The following RBFOX1 variants were observed in gnomAD, a reference collection of about 807,000 sequenced individuals.
RBFOX1 encodes RNA binding fox-1 homolog 1.
A neutral mutation model predicts 57.7 loss-of-function variants in RBFOX1; 8 were observed. The observed-to-expected ratio is 0.14, with a 90% CI of 0.08 to 0.25. RBFOX1 has a LOEUF of 0.25. Ranked by LOEUF, RBFOX1 falls within the 10% of genes least tolerant of loss-of-function variation. The probability of loss-of-function intolerance (pLI) is 1.00; values close to 1 mark genes in which losing one functional copy is unlikely to be tolerated. For synonymous variants in RBFOX1, 326 were observed against 222.4 expected (o/e 1.47, Z -4.15); for missense variants, 611 against 548.5 (o/e 1.11, Z -1.14).
intron 4 of RBFOX1, among the ~76,000 whole-genome samples, chr16:5,920,175 C>A (rs2058791429): frequency 6.6e-6 from 1 of 152,206 alleles, no homozygotes; most frequent in Non-Finnish European, 1.5e-5. Flanking sequence ...ACCTTGTGAT[C>A]CACCTGCCTT....
At chr16:7,491,254 C>G (rs1025389192) in intron 4 of RBFOX1, among the ~76,000 whole-genome samples, 2 of 152,036 alleles carry the variant, frequency 1.3e-5, no homozygotes, top group Admixed American at 6.6e-5. Flanking sequence ...CGCAGGAACA[C>G]TCCTTATCTG....
intron 3 of RBFOX1, among the ~76,000 whole-genome samples, chr16:6,706,012 T>C (rs2062674187): frequency 6.6e-6 from 1 of 152,122 alleles, no homozygotes; most frequent in Admixed American, 6.5e-5. Context: ...AGCAAGACTC[T>C]GTCTTAAAAT....
chr16:5,391,820 G>A (rs541785110), intron 1 of RBFOX1, among the ~76,000 whole-genome samples: 65 of 150,976 alleles, frequency 4.3e-4, no homozygotes, highest in Non-Finnish European at 8.3e-4. Context: ...TGGTGTGTGT[G>A]TATATATATA....
At chr16:6,629,912 C>A (rs1184464903) in intron 2 of RBFOX1, among the ~76,000 whole-genome samples, 1 of 150,386 alleles carries the variant, frequency 6.6e-6, no homozygotes, top group Non-Finnish European at 1.5e-5. Flanking sequence ...ATTTTAATGA[C>A]CTCTGCTACA....
chr16:6,667,644 A>C (rs755361023), intron 3 of RBFOX1, among the ~76,000 whole-genome samples: 1 of 151,972 alleles, frequency 6.6e-6, no homozygotes, highest in Non-Finnish European at 1.5e-5. Flanking sequence ...CGCTTTTTGG[A>C]CACAAGTGGG....
chr16:6,579,341 C>G (rs948786973), intron 2 of RBFOX1, among the ~76,000 whole-genome samples: 3 of 151,932 alleles, frequency 2.0e-5, no homozygotes, highest in Non-Finnish European at 4.4e-5. Context: ...GTAGCTGGGA[C>G]TATATGCATG....
At chr16:7,066,319 A>C (rs1046110122) in intron 4 of RBFOX1, among the ~76,000 whole-genome samples, 5 of 152,220 alleles carry the variant, frequency 3.3e-5, no homozygotes, top group African/African-American at 7.2e-5. Context: ...CCTTAGCTCA[A>C]GGTAAGAATG....
intron 5 of RBFOX1, among the ~76,000 whole-genome samples, chr16:7,521,900 G>T (rs895800212): frequency 6.6e-6 from 1 of 152,192 alleles, no homozygotes; most frequent in East Asian, 1.9e-4. Context: ...ACCATCCTGA[G>T]TTGGCTTCCT....
At chr16:7,246,766 T>A (rs1400691515) in intron 4 of RBFOX1, among the ~76,000 whole-genome samples, 1 of 151,622 alleles carries the variant, frequency 6.6e-6, no homozygotes, top group Non-Finnish European at 1.5e-5. Context: ...AGCGCCTACG[T>A]AGCACATCCA....
intron 3 of RBFOX1, among the ~76,000 whole-genome samples, chr16:6,776,866 A>G (rs963299637): frequency 6.6e-6 from 1 of 152,242 alleles, no homozygotes; most frequent in Admixed American, 6.5e-5. Context: ...TGTGAAATGA[A>G]CATGGCATGT....
At chr16:6,555,561 G>A (rs911685497) in intron 2 of RBFOX1, among the ~76,000 whole-genome samples, 60 of 152,158 alleles carry the variant, frequency 3.9e-4, no homozygotes, top group Admixed American at 2.4e-3. Flanking sequence ...TTAGCCGGGC[G>A]TGGTGGCGGG....
At chr16:6,816,327 C>G (rs1166598537) in intron 3 of RBFOX1, among the ~76,000 whole-genome samples, 5 of 151,984 alleles carry the variant, frequency 3.3e-5, no homozygotes, top group Middle Eastern at 3.2e-3. Context: ...ATTCAGTCAA[C>G]AATCATTGTG....
chr16:7,193,520 T>G (rs1471476439), intron 4 of RBFOX1, among the ~76,000 whole-genome samples: 1 of 152,246 alleles, frequency 6.6e-6, no homozygotes, highest in Non-Finnish European at 1.5e-5. Flanking sequence ...GTAATCAATA[T>G]AACTGCAAAT....
intron 4 of RBFOX1, among the ~76,000 whole-genome samples, chr16:7,507,697 G>A (rs1206363645): frequency 6.6e-6 from 1 of 151,030 alleles, no homozygotes; most frequent in Non-Finnish European, 1.5e-5. Flanking sequence ...CCAAGTAGCT[G>A]GGACTACAGG....
At chr16:7,672,592 G>GTGGCTCACACCTGTA (rs1410573053) in intron 13 of RBFOX1, among the ~76,000 whole-genome samples, 10 of 152,012 alleles carry the variant, frequency 6.6e-5, no homozygotes, top group African/African-American at 2.2e-4. Context: ...GCCAGGTGTG[G>GTGGCTCACACCTGTA]TGGCTCACAC....
chr16:6,583,249 C>G (rs925999330), intron 2 of RBFOX1, among the ~76,000 whole-genome samples: 3 of 152,184 alleles, frequency 2.0e-5, no homozygotes, highest in African/African-American at 4.8e-5. Context: ...GCACATGGCA[C>G]TCATTGGCCA....
chr16:7,607,208 T>C, intron 9 of RBFOX1, 77 bp from the exon 10 acceptor site: 1 of 1,347,098 alleles, frequency 7.4e-7, no homozygotes, highest in Non-Finnish European at 1.0e-6. Context: ...TTAACCCATT[T>C]GATTTGTGAT....
In RBFOX1 at chr16:6,631,312, G is replaced by A. The variant is rs565987977; in HGVS notation, c.-63-23291G>A. 1.8e-3 allele frequency among the ~76,000 whole-genome samples: 274 copies of A among 152,014 alleles called. 2 individuals carry two copies. Among genetic ancestry groups the A allele is most frequent in the Non-Finnish European group, 2.8e-3 (191 of 67,960 alleles). ...GTGTGTGTGTACGAGAGACAGAGAT[G>A]CATTTTAATGCATATTTAAGAAAAA... On this transcript the variant is annotated intron_variant, in intron 2 of 15. Transcript: ENST00000550418.
intron 4 of RBFOX1, among the ~76,000 whole-genome samples, chr16:7,054,424 G>A (rs1209221724): frequency 6.6e-6 from 1 of 151,216 alleles, no homozygotes; most frequent in East Asian, 2.0e-4. Context: ...TGTACTTTTA[G>A]CAGAGATGGG....
Sources: gnomAD v4.1 joint callset for allele counts (sites outside exome capture counted in the v4.1 genomes callset) on GRCh38, gnomAD v4.1.1 for gene constraint, MANE v1.5 for transcripts, NCBI Gene and HGNC (gene_info 2026-07-23, HGNC 2026-07-21) for gene names.